The following PTPRG variants were observed in gnomAD, a reference collection of about 807,000 sequenced individuals.
The protein encoded by PTPRG is protein tyrosine phosphatase receptor type G.
Under a neutral mutation model 165.3 loss-of-function variants are expected in PTPRG, and 102 were observed. The ratio of observed to expected loss-of-function variants is 0.62; its 90% confidence interval spans 0.53 to 0.73. The LOEUF is 0.73. Ranked by LOEUF, PTPRG falls within the 30% of genes least tolerant of loss-of-function variation. The pLI is 0.00. For synonymous variants in PTPRG, 675 were observed against 669.5 expected, an observed-to-expected ratio of 1.01 and a Z score of -0.13; for missense variants, 1,866 against 1,861.4, an observed-to-expected ratio of 1.00 and a Z score of -0.05.
chr3:61,725,146 G>A (rs2032204593), intron 1 of PTPRG, among the ~76,000 whole-genome samples: 1 of 151,990 alleles, frequency 6.6e-6, no homozygotes, highest in South Asian at 2.1e-4. Context: ...GTTAATTTTT[G>A]TGTAAGTTGT....
intron 5 of PTPRG, among the ~76,000 whole-genome samples, chr3:62,121,103 C>T (rs1703052549): frequency 7.6e-6 from 1 of 130,844 alleles, no homozygotes; most frequent in South Asian, 2.7e-4. Context: ...CACCACTAGC[C>T]TGGCTAATTT....
intron 5 of PTPRG, among the ~76,000 whole-genome samples, chr3:62,082,422 C>T (rs1054392257): frequency 3.9e-5 from 6 of 152,164 alleles, no homozygotes; most frequent in Admixed American, 3.9e-4. Context: ...CACTTTGCCC[C>T]ATTGTGGCTC....
chr3:62,288,874 T>C (rs2148900228), intron 28 of PTPRG, among the ~76,000 whole-genome samples: 1 of 152,326 alleles, frequency 6.6e-6, no homozygotes, highest in East Asian at 1.9e-4. Flanking sequence ...GATGACTACA[T>C]GAATGCTACT....
At position 61,706,491 on chromosome 3, in the gene PTPRG, A is replaced by ATT. The variant is rs386355972; in HGVS notation, c.86-42370_86-42369dup. 1.0e-3 allele frequency among the ~76,000 whole-genome samples: 141 copies of ATT among 137,692 alleles called. 2 individuals carry two copies. The highest frequency in any genetic ancestry group is 3.4e-3 in the African/African-American group (125 of 37,232). 90.3% of individuals were successfully genotyped at this position (137,692 alleles called of 152,430 possible). A position where few individuals can be genotyped will look rare whatever the true frequency, so the allele number is the denominator to read the frequency against. Reference sequence around the variant, plus strand: ...TGATTTTTATCTGAATGTGCAAGTAATTTTTTTTTTTTTTTTTTCGAGATG... The same window carrying ATT: ...TGATTTTTATCTGAATGTGCAAGTAATTTTTTTTTTTTTTTTTTTTCGAGATG... On this transcript the variant is annotated intron_variant, in intron 1 of 29. Transcript: ENST00000474889.
chr3:61,889,202 A>G (rs1469094510), intron 2 of PTPRG, among the ~76,000 whole-genome samples: 1 of 152,160 alleles, frequency 6.6e-6, no homozygotes, highest in Non-Finnish European at 1.5e-5. Flanking sequence ...GTGGTTTTCT[A>G]ACTCTGTGAT....
At chr3:61,860,342 C>A (rs867457670) in intron 2 of PTPRG, among the ~76,000 whole-genome samples, 1 of 144,782 alleles carries the variant, frequency 6.9e-6, no homozygotes, top group Non-Finnish European at 1.5e-5. Flanking sequence ...CTTCCCAGCC[C>A]GTGAAAGCCA....
At chr3:62,074,121 GT>G (rs2106738131) in intron 4 of PTPRG, among the ~76,000 whole-genome samples, 1 of 151,840 alleles carries the variant, frequency 6.6e-6, no homozygotes, top group East Asian at 1.9e-4. Flanking sequence ...TGAGTATTTA[GT>G]GGTAAAGGGG....
intron 2 of PTPRG, among the ~76,000 whole-genome samples, chr3:61,810,817 G>A (rs1268417513): frequency 2.0e-5 from 3 of 152,188 alleles, no homozygotes; most frequent in Non-Finnish European, 4.4e-5. Context: ...CCTTAAGAAG[G>A]GTTGTAATGA....
intron 5 of PTPRG, among the ~76,000 whole-genome samples, chr3:62,097,129 A>G (rs1394563543): frequency 1.3e-5 from 2 of 152,198 alleles, no homozygotes; most frequent in African/African-American, 2.4e-5. Context: ...GCAAACTCAG[A>G]GTTTCTTTGG....
At chr3:61,960,754 A>G (rs1472221135) in intron 2 of PTPRG, among the ~76,000 whole-genome samples, 1 of 152,096 alleles carries the variant, frequency 6.6e-6, no homozygotes, top group Non-Finnish European at 1.5e-5. Context: ...TCATTAAGTA[A>G]TTATAGCTTT....
chr3:61,617,016 A>G (rs2106887067), intron 1 of PTPRG, among the ~76,000 whole-genome samples: 1 of 152,360 alleles, frequency 6.6e-6, no homozygotes, highest in Admixed American at 6.5e-5. Flanking sequence ...GAGTTTTGGT[A>G]AAAGGATTGT....
At chr3:61,813,515 CAAAAA>C (rs552214510) in intron 2 of PTPRG, among the ~76,000 whole-genome samples, 3 of 57,908 alleles carry the variant, frequency 5.2e-5, no homozygotes, top group African/African-American at 1.9e-4. Context: ...GACTCCGTCT[CAAAAA>C]AAAAAAAAAG....
At chr3:62,288,155 A>G (rs1026503771) in intron 28 of PTPRG, among the ~76,000 whole-genome samples, 2 of 152,034 alleles carry the variant, frequency 1.3e-5, no homozygotes, top group Non-Finnish European at 2.9e-5. Context: ...AAAAAAAAAA[A>G]AACAGCCTGT....
chr3:62,093,971 T>C (rs1361385716), intron 5 of PTPRG, among the ~76,000 whole-genome samples: 1 of 152,170 alleles, frequency 6.6e-6, no homozygotes, highest in Non-Finnish European at 1.5e-5. Context: ...TTCCTTTTCC[T>C]CCTGCTTCTC....
intron 2 of PTPRG, among the ~76,000 whole-genome samples, chr3:61,984,980 G>C (rs1052015720): frequency 3.3e-5 from 5 of 152,224 alleles, no homozygotes; most frequent in African/African-American, 9.7e-5. Flanking sequence ...TACCACGGAG[G>C]TGATTTGCCC....
intron 6 of PTPRG, among the ~76,000 whole-genome samples, chr3:62,148,563 A>G (rs1576064135): frequency 6.6e-6 from 1 of 152,128 alleles, no homozygotes; most frequent in Non-Finnish European, 1.5e-5. Context: ...CAGGAGTTTG[A>G]GACCAGCCTG....
In PTPRG at chr3:62,273,810, T is replaced by C. The variant is rs146357666; in HGVS notation, c.3431T>C (p.Val1144Ala). 2 of 1,613,620 alleles carry C rather than the reference T, an allele frequency of 1.2e-6. No homozygotes were observed. Among genetic ancestry groups the C allele is most frequent in the South Asian group, 1.1e-5 (1 of 91,046 alleles). ...GTTAACAGCATCCTTATACCAGGAG[T>C]AGGAGGAAAGACACGACTGGAAAAG... Reference protein sequence around the residue: ...SYVNSILIPGVGGKTRLEKQF... With the variant: ...SYVNSILIPGAGGKTRLEKQF... The change falls in exon 23 of 30, where the codon GTA becomes GCA. Residue 1144 changes from valine (V) to alanine (A), a missense_variant. Transcript: ENST00000474889. This position sits in a 1 kb window ranked among gnomAD's most constrained non-coding sequence, Gnocchi z 4.1.
At chr3:62,197,586 G>A (rs1699997180) in intron 10 of PTPRG, among the ~76,000 whole-genome samples, 1 of 152,138 alleles carries the variant, frequency 6.6e-6, no homozygotes, top group South Asian at 2.1e-4. Context: ...GCTGGCCTAG[G>A]GGAGAAGGAA....
chr3:62,060,466 G>A (rs567598879), intron 4 of PTPRG, among the ~76,000 whole-genome samples: 12 of 152,266 alleles, frequency 7.9e-5, no homozygotes, highest in South Asian at 6.2e-4. Flanking sequence ...AGCAAGAAGC[G>A]TTCTCTTTCC....
Sources: allele counts gnomAD v4.1 joint callset (sites outside exome capture counted in the v4.1 genomes callset), GRCh38; gene constraint gnomAD v4.1.1; non-coding constraint Gnocchi (gnomAD v3.1); transcripts MANE v1.5; gene names NCBI Gene and HGNC (gene_info 2026-07-23, HGNC 2026-07-21).